The following CHL1 variants were observed in gnomAD, a reference collection of about 807,000 sequenced individuals.
The protein encoded by CHL1 is neural cell adhesion molecule L1-like protein.
A neutral mutation model predicts 141.9 loss-of-function variants in CHL1; 96 were observed. That is an observed-to-expected ratio of 0.68 (90% CI 0.57 to 0.80). The LOEUF (loss-of-function observed/expected upper bound fraction) is 0.80, where lower values mean the gene tolerates loss of function less well. Ranked by LOEUF, CHL1 falls within the 30% of genes least tolerant of loss-of-function variation. The probability of loss-of-function intolerance (pLI) is 0.00; values close to 1 mark genes in which losing one functional copy is unlikely to be tolerated. For missense variants in CHL1, 1,820 were observed against 1,457.2 expected (o/e 1.25, Z -4.05); for synonymous variants, 613 against 502.2 (o/e 1.22, Z -2.95).
At chr3:224,058 AC>A (rs2124997534) in intron 1 of CHL1, among the ~76,000 whole-genome samples, 1 of 152,130 alleles carries the variant, frequency 6.6e-6, no homozygotes, top group Non-Finnish European at 1.5e-5. Context: ...AAATCTTGTA[AC>A]CTCTGGCACA....
At chr3:402,118 G>A (rs1245655447) in intron 27 of CHL1, among the ~76,000 whole-genome samples, 1 of 152,182 alleles carries the variant, frequency 6.6e-6, no homozygotes, top group East Asian at 1.9e-4. Flanking sequence ...AACCTGATCA[G>A]CAGAGAAAAA....
At chr3:221,032 C>T (rs1415747011) in intron 1 of CHL1, among the ~76,000 whole-genome samples, 1 of 152,196 alleles carries the variant, frequency 6.6e-6, no homozygotes, top group Non-Finnish European at 1.5e-5. Flanking sequence ...TTTAGATAAA[C>T]TCCTTGGACT....
At chr3:399,175 CA>C (rs1708915043) in intron 26 of CHL1, 27 bp downstream of exon 26, 1 of 1,578,162 alleles carries the variant, frequency 6.3e-7, no homozygotes, top group East Asian at 2.3e-5. Flanking sequence ...ATGTGATTTT[CA>C]ACTTATTAAA....
chr3:370,876 G>A (rs550282984), intron 15 of CHL1, among the ~76,000 whole-genome samples: 129 of 152,252 alleles, frequency 8.5e-4, no homozygotes, highest in Non-Finnish European at 1.7e-3. Context: ...GAGTCATTCA[G>A]GAGCAAGTTT....
At chr3:388,577 A>AAAAAAGTT (rs1363089962) in intron 19 of CHL1, among the ~76,000 whole-genome samples, 3 of 152,116 alleles carry the variant, frequency 2.0e-5, no homozygotes, top group Non-Finnish European at 4.4e-5. Context: ...AGAAACGAAA[A>AAAAAAGTT]AAAAAGTTAT....
At chr3:205,876 C>T (rs1699388916) in intron 1 of CHL1, among the ~76,000 whole-genome samples, 2 of 152,196 alleles carry the variant, frequency 1.3e-5, no homozygotes, top group Admixed American at 1.3e-4. Flanking sequence ...CCAATGTAAG[C>T]TGGGCGATGC....
chr3:228,095 A>G (rs556220973), intron 1 of CHL1, among the ~76,000 whole-genome samples: 5 of 152,190 alleles, frequency 3.3e-5, no homozygotes, highest in Non-Finnish European at 7.4e-5. Flanking sequence ...TTGATCTACA[A>G]CAAGACCATA....
At chr3:290,937 A>T (rs575909820) in intron 2 of CHL1, among the ~76,000 whole-genome samples, 28 of 104,436 alleles carry the variant, frequency 2.7e-4, no homozygotes, top group East Asian at 2.4e-3. Context: ...CTCTGTCTCA[A>T]AAAAAAAAAA....
chr3:205,424 T>C (rs1185141591), intron 1 of CHL1, among the ~76,000 whole-genome samples: 2 of 152,172 alleles, frequency 1.3e-5, no homozygotes, highest in African/African-American at 4.8e-5. Context: ...CAGATTTCCT[T>C]TTTTGGAAGA....
chr3:201,465 C>G (rs1698932742), intron 1 of CHL1, among the ~76,000 whole-genome samples: 1 of 151,980 alleles, frequency 6.6e-6, no homozygotes, highest in Non-Finnish European at 1.5e-5. Context: ...ACTTGTGTAT[C>G]TCTTTGGAAG....
chr3:287,597 A>G (rs1697278238), intron 2 of CHL1, among the ~76,000 whole-genome samples: 1 of 152,192 alleles, frequency 6.6e-6, no homozygotes, highest in Admixed American at 6.5e-5. Flanking sequence ...TGATATATTT[A>G]ACTCTTTAGG....
intron 2 of CHL1, among the ~76,000 whole-genome samples, chr3:252,392 A>ATATATATG (rs1553596177): frequency 2.9e-5 from 4 of 136,312 alleles, no homozygotes; most frequent in African/African-American, 1.1e-4. Context: ...ATATATATAT[A>ATATATATG]TATATATATT....
At chr3:249,508 A>G (rs1200431393) in intron 2 of CHL1, among the ~76,000 whole-genome samples, 1 of 152,160 alleles carries the variant, frequency 6.6e-6, no homozygotes, top group East Asian at 1.9e-4. Context: ...AATGAAAATG[A>G]ATTTTATTAT....
At position 398,464 on chromosome 3, in the gene CHL1, A is replaced by G. The variant is rs1244947846; in HGVS notation, c.3253+79A>G. ...ATACTTAGTGTTGCCTGTGTCCTATATTAAACATAAAAACACTGAGTGTAT... is the reference window on the plus strand; with the variant it reads ...ATACTTAGTGTTGCCTGTGTCCTATGTTAAACATAAAAACACTGAGTGTAT... On this transcript the variant is annotated intron_variant, in intron 25 of 27. Transcript: ENST00000256509. 37 of 795,270 alleles carry G rather than the reference A, an allele frequency of 4.7e-5. 1 individual carries two copies. The Admixed American group carries it at 8.0e-4, about 17-fold the overall frequency. 49.3% of individuals were successfully genotyped at this position (795,270 alleles called of 1,614,324 possible).
chr3:320,491 A>G (rs1207513523), intron 3 of CHL1, among the ~76,000 whole-genome samples: 2 of 151,974 alleles, frequency 1.3e-5, no homozygotes, highest in Non-Finnish European at 2.9e-5. Flanking sequence ...ATTATAAATC[A>G]GTTTGAACGA....
intron 27 of CHL1, 149 bp downstream of exon 27, chr3:401,847 T>G (rs1709166444): frequency 2.0e-6 from 1 of 512,134 alleles, no homozygotes; most frequent in Non-Finnish European, 3.3e-6. Context: ...TAGGGCCCAC[T>G]TAAGTGCTAG....
intron 5 of CHL1, among the ~76,000 whole-genome samples, chr3:330,100 G>A (rs1701321245): frequency 6.6e-6 from 1 of 151,920 alleles, no homozygotes; most frequent in Non-Finnish European, 1.5e-5. Context: ...CATACACATG[G>A]GGTAAAAGGT....
intron 5 of CHL1, among the ~76,000 whole-genome samples, chr3:337,974 A>G (rs1047458910): frequency 6.6e-6 from 1 of 152,178 alleles, no homozygotes; most frequent in Non-Finnish European, 1.5e-5. Flanking sequence ...GAACCAGTTT[A>G]CAGTCCCACC....
At chr3:326,253 G>C (rs914103399) in intron 4 of CHL1, among the ~76,000 whole-genome samples, 189 bp downstream of exon 4, 4 of 151,894 alleles carry the variant, frequency 2.6e-5, no homozygotes, top group Non-Finnish European at 5.9e-5. Context: ...TCTGCCACTT[G>C]AATTTATTTT....
Sources: gnomAD v4.1 joint callset for allele counts (sites outside exome capture counted in the v4.1 genomes callset) on GRCh38, gnomAD v4.1.1 for gene constraint, MANE v1.5 for transcripts, NCBI Gene and HGNC (gene_info 2026-07-23, HGNC 2026-07-21) for gene names.